The following SMYD3 variants were observed in gnomAD, a reference collection of about 807,000 sequenced individuals.
The protein encoded by SMYD3 is SET and MYND domain containing 3, also known as histone-lysine N-methyltransferase SMYD3.
Under a neutral mutation model 57.7 loss-of-function variants are expected in SMYD3, and 36 were observed. The observed-to-expected ratio is 0.62, with a 90% confidence interval of 0.48 to 0.82. The LOEUF (loss-of-function observed/expected upper bound fraction) is 0.82. Ranked by LOEUF, SMYD3 falls within the 40% of genes least tolerant of loss-of-function variation. SMYD3 has a pLI of 0.00. For missense variants in SMYD3, 515 were observed against 538.8 expected, an observed-to-expected ratio of 0.96 and a Z score of 0.44; for synonymous variants, 211 against 195.0, an observed-to-expected ratio of 1.08 and a Z score of -0.68.
chr1:246,399,125 G>T (rs774749140), intron 1 of SMYD3, among the ~76,000 whole-genome samples: 1 of 151,332 alleles, frequency 6.6e-6, no homozygotes, highest in Non-Finnish European at 1.5e-5. Context: ...AGGTTCAAGC[G>T]ATTCTCCTGC....
At chr1:245,999,452 C>A (rs1375695209) in intron 5 of SMYD3, among the ~76,000 whole-genome samples, 3 of 152,026 alleles carry the variant, frequency 2.0e-5, no homozygotes, top group Non-Finnish European at 2.9e-5. Context: ...ATTCTGAAAA[C>A]CAGCAAGGTT....
Position 245,832,927 on chromosome 1 carries a change from A to T in SMYD3, c.1076+25569T>A, listed in dbSNP as rs114273653. Among the ~76,000 whole-genome samples, 916 of 152,254 alleles carry T rather than the reference A, an allele frequency of 6.0e-3. 8 individuals carry two copies. Among genetic ancestry groups the T allele is most frequent in the Non-Finnish European group, 7.5e-3 (508 of 68,028 alleles). ...GACAGATTCTTGGAGATGGAGTGATAGTTCTTCATAATGGGGGAATCAGCA... is the reference window on the plus strand; with the variant it reads ...GACAGATTCTTGGAGATGGAGTGATTGTTCTTCATAATGGGGGAATCAGCA... On this transcript the variant is annotated intron_variant, in intron 10 of 11. Transcript: ENST00000490107.
chr1:246,411,488 G>C (rs2066967526), intron 1 of SMYD3, among the ~76,000 whole-genome samples: 1 of 152,076 alleles, frequency 6.6e-6, no homozygotes, highest in South Asian at 2.1e-4. Flanking sequence ...TATACCCAAA[G>C]GATTATAAAT....
intron 5 of SMYD3, among the ~76,000 whole-genome samples, chr1:245,944,090 T>C (rs2057354531): frequency 6.6e-6 from 1 of 152,152 alleles, no homozygotes; most frequent in Non-Finnish European, 1.5e-5. Context: ...AAGACAAGGA[T>C]GCCCTCTCTC....
chr1:246,355,147 C>A lies in SMYD3; in HGVS notation c.165-53G>T, dbSNP rs377503204. 2.9e-3 allele frequency: 4,452 copies of A among 1,544,630 alleles called. 29 individuals carry two copies. The highest frequency in any genetic ancestry group is 0.025 in the Middle Eastern group (151 of 5,958). On this transcript the variant is annotated intron_variant, in intron 1 of 11. Coordinates refer to ENST00000490107, the MANE Select transcript of SMYD3 (RefSeq NM_001167740.2). This position sits in a 1 kb window ranked among gnomAD's most constrained non-coding sequence, Gnocchi z 5.0. The stretch of plus-strand genomic sequence containing the variant: ...TAAGAAATGAGTGGGAAACATAGTA[C>A]ATAGTTGAAGAAAGAAAACATAAGT...
In SMYD3 at chr1:246,002,262, G is replaced by A. The variant is rs191523426; in HGVS notation, c.532-72325C>T. Reference sequence around the variant, plus strand: ...TGCTGTGGCGCGATCTCGGCTCACTGCAAGCTCCGCCTCCCGGGTTCACGC... The same window carrying A: ...TGCTGTGGCGCGATCTCGGCTCACTACAAGCTCCGCCTCCCGGGTTCACGC... On this transcript the variant is annotated intron_variant, in intron 5 of 11. Coordinates refer to ENST00000490107, the MANE Select transcript of SMYD3 (RefSeq NM_001167740.2). Among the ~76,000 whole-genome samples, 503 of 138,414 alleles carry A rather than the reference G, an allele frequency of 3.6e-3. 4 individuals carry two copies. The highest frequency in any genetic ancestry group is 8.4e-3 in the Admixed American group (111 of 13,188). 90.8% of individuals were successfully genotyped at this position (138,414 alleles called of 152,430 possible).
chr1:245,838,031 C>T (rs2050187053), intron 10 of SMYD3, among the ~76,000 whole-genome samples: 1 of 152,078 alleles, frequency 6.6e-6, no homozygotes, highest in Non-Finnish European at 1.5e-5. Context: ...TGATCTCTGA[C>T]TTTTTTTTCC....
intron 5 of SMYD3, among the ~76,000 whole-genome samples, chr1:246,080,934 G>A (rs981165857): frequency 2.6e-5 from 4 of 152,130 alleles, no homozygotes; most frequent in Non-Finnish European, 4.4e-5. Flanking sequence ...AAAACAGCTC[G>A]TTTATGGAAT....
intron 10 of SMYD3, among the ~76,000 whole-genome samples, chr1:245,806,969 A>G (rs1009963422): frequency 6.0e-5 from 9 of 150,180 alleles, no homozygotes; most frequent in African/African-American, 2.2e-4. Flanking sequence ...GGTAAGACAT[A>G]TCTTCCTAAC....
chr1:246,289,449 G>A (rs1160977333), intron 5 of SMYD3, among the ~76,000 whole-genome samples: 2 of 152,196 alleles, frequency 1.3e-5, no homozygotes, highest in Non-Finnish European at 1.5e-5. Flanking sequence ...CTAAAGATCA[G>A]TTCCTTCAGT....
At chr1:245,891,879 C>A (rs952238447) in intron 8 of SMYD3, among the ~76,000 whole-genome samples, 1 of 152,104 alleles carries the variant, frequency 6.6e-6, no homozygotes, top group African/African-American at 2.4e-5. Context: ...TCCATCTCTA[C>A]AAAAATATTT....
At chr1:246,278,635 G>C (rs879384062) in intron 5 of SMYD3, among the ~76,000 whole-genome samples, 4 of 152,144 alleles carry the variant, frequency 2.6e-5, no homozygotes, top group Non-Finnish European at 5.9e-5. Flanking sequence ...AGTGGCCCAA[G>C]CGAGCTGGGA....
intron 1 of SMYD3, among the ~76,000 whole-genome samples, chr1:246,396,743 T>C (rs1026881896): frequency 1.4e-4 from 21 of 152,210 alleles, no homozygotes; most frequent in Admixed American, 1.3e-3. Flanking sequence ...GTTGTTCTCC[T>C]GCCAGCCATG....
At position 246,205,713 on chromosome 1, in the gene SMYD3, G is replaced by A. The variant is rs991441853; in HGVS notation, c.531+121488C>T. ...CGAGCGCCTGTAGTCCCAGCTACTC[G>A]GGAAGCTGAGGCAGGAGAATCGCTT... is the stretch of plus-strand genomic sequence containing the variant. On this transcript the variant is annotated intron_variant, in intron 5 of 11. Transcript: ENST00000490107. Among the ~76,000 whole-genome samples, 14 of 151,242 alleles carry A rather than the reference G, an allele frequency of 9.3e-5. No individual in the cohort carries two copies. In the South Asian group the frequency reaches 1.7e-3, roughly 18 times the overall value.
intron 10 of SMYD3, among the ~76,000 whole-genome samples, chr1:245,780,100 T>C (rs2046770437): frequency 6.6e-6 from 1 of 152,208 alleles, no homozygotes; most frequent in Admixed American, 6.5e-5. Flanking sequence ...ACAGCCACTT[T>C]GGAAAATGAT....
intron 5 of SMYD3, among the ~76,000 whole-genome samples, chr1:246,204,746 T>C (rs7538413): frequency 0.13 from 20,155 of 152,230 alleles, 3,488 homozygotes; most frequent in African/African-American, 0.39. Flanking sequence ...GGTCCATTTA[T>C]CTGCATGCTT....
At chr1:246,116,078 T>C (rs2061337534) in intron 5 of SMYD3, among the ~76,000 whole-genome samples, 1 of 152,078 alleles carries the variant, frequency 6.6e-6, no homozygotes, top group African/African-American at 2.4e-5. Flanking sequence ...AGGCAGAGGT[T>C]GCAGTGAGCC....
intron 8 of SMYD3, among the ~76,000 whole-genome samples, chr1:245,881,218 T>A (rs2052761627): frequency 6.6e-6 from 1 of 152,208 alleles, no homozygotes; most frequent in Non-Finnish European, 1.5e-5. Flanking sequence ...CTCTGGAATG[T>A]GTGCATTCTT....
At chr1:245,921,549 G>GTATATATATATATATATATATATA (rs143521072) in intron 7 of SMYD3, among the ~76,000 whole-genome samples, 130 of 141,302 alleles carry the variant, frequency 9.2e-4, no homozygotes, top group South Asian at 4.2e-3. Context: ...AAAATGTGGT[G>GTATATATATATATATATATATATA]TATATATATA....
Sources: allele counts gnomAD v4.1 joint callset (sites outside exome capture counted in the v4.1 genomes callset), GRCh38; gene constraint gnomAD v4.1.1; non-coding constraint Gnocchi (gnomAD v3.1); transcripts MANE v1.5; gene names NCBI Gene and HGNC (gene_info 2026-07-23, HGNC 2026-07-21).